ZZEF1: variants seen among roughly 807,000 people sequenced by gnomAD.
ZZEF1 encodes zinc finger ZZ-type and EF-hand domain containing 1.
ZZEF1 carries 157 observed loss-of-function variants against 342.8 expected under a neutral mutation model. The observed-to-expected ratio is 0.46, with a 90% CI of 0.40 to 0.52. The LOEUF is 0.52. Among genes scored for constraint, ZZEF1 ranks in the 20% least tolerant of loss-of-function variants. The pLI is 0.00. For synonymous variants in ZZEF1, 1,505 were observed against 1,429.1 expected (o/e 1.05, Z -1.20); for missense variants, 3,480 against 3,725.6 (o/e 0.93, Z 1.72).
intron 51 of ZZEF1, 101 bp from the exon 52 acceptor site, chr17:4,013,715 A>G: frequency 2.3e-6 from 3 of 1,296,364 alleles, no homozygotes; most frequent in Non-Finnish European, 3.1e-6. Context: ...AGAATTCTAC[A>G]TTTTATAAAC....
chr17:4,123,467 G>A (rs1010959828), intron 2 of ZZEF1, among the ~76,000 whole-genome samples: 2 of 151,686 alleles, frequency 1.3e-5, no homozygotes, highest in African/African-American at 2.4e-5. Flanking sequence ...AAAAAATGAC[G>A]CAAATGTGAG....
At chr17:4,009,346 T>C (rs1276973737) in intron 53 of ZZEF1, 1 of 588,278 alleles carries the variant, frequency 1.7e-6, no homozygotes, top group Non-Finnish European at 3.0e-6. Flanking sequence ...AAACTCACTG[T>C]TGTCAAGGGC....
chr17:4,136,122 C>A (rs373024195), intron 1 of ZZEF1, among the ~76,000 whole-genome samples: 1 of 148,840 alleles, frequency 6.7e-6, no homozygotes, highest in East Asian at 2.0e-4. Context: ...TCCCGAGTAG[C>A]TGGAACTACA....
intron 45 of ZZEF1, 58 bp downstream of exon 45, chr17:4,021,071 A>G: frequency 1.3e-6 from 2 of 1,520,768 alleles, no homozygotes; most frequent in Non-Finnish European, 1.8e-6. Context: ...GGCCCGGGCC[A>G]AAGAGAAGCC....
chr17:4,015,064 T>G (rs1206375085), intron 49 of ZZEF1, among the ~76,000 whole-genome samples: 2 of 151,958 alleles, frequency 1.3e-5, no homozygotes, highest in African/African-American at 4.8e-5. Context: ...CTGGAAAGCT[T>G]TGGTGAGGCT....
chr17:4,038,930 G>A (rs1379089996), intron 39 of ZZEF1, among the ~76,000 whole-genome samples: 2 of 152,060 alleles, frequency 1.3e-5, no homozygotes, highest in Admixed American at 6.6e-5. Context: ...GGTGACAGAG[G>A]TCTTTTTATT....
intron 1 of ZZEF1, among the ~76,000 whole-genome samples, 157 bp downstream of exon 1, chr17:4,142,385 T>C (rs973743087): frequency 3.3e-5 from 5 of 152,084 alleles, no homozygotes; most frequent in African/African-American, 4.8e-5. Context: ...ACCTCTAACA[T>C]AGGTTAAAGA....
In ZZEF1 at chr17:4,049,818, C is replaced by T. The variant is rs768805599; in HGVS notation, c.5905G>A (p.Asp1969Asn). The T allele has an allele frequency of 3.7e-6, 6 of 1,614,084 alleles. No individual in the cohort carries two copies. In the Admixed American group the frequency reaches 6.7e-5, roughly 18 times the overall value. The stretch of plus-strand genomic sequence containing the variant: ...AGGGCCTGATCTTCTAGGCTCGAGT[C>T]CCCATCTGGCAATACACCCAGCAAA... ...LALLGVLPDG[D>N]SSLEDQALPV... Residue 1969 changes from aspartate to asparagine, a missense_variant, in exon 37 of 55, where the codon GAC becomes AAC. Physicochemically the swap from Asp to Asn is conservative, Grantham distance 23. Coordinates refer to ENST00000381638, the MANE Select transcript of ZZEF1 (RefSeq NM_015113.4).
Position 4,008,305 on chromosome 17 carries a change from A to G in ZZEF1, c.8805+578T>C, listed in dbSNP as rs2055856863. The G allele has an allele frequency of 6.1e-6, 1 of 164,092 alleles. No homozygotes were observed. Among genetic ancestry groups the G allele is most frequent in the Admixed American group, 6.5e-5 (1 of 15,294 alleles). 10.2% of individuals were successfully genotyped at this position (164,092 alleles called of 1,614,324 possible). On this transcript the variant is annotated intron_variant, in intron 54 of 54. Transcript: ENST00000381638. This position sits in a 1 kb window ranked among gnomAD's most constrained non-coding sequence, Gnocchi z 4.2. ...GCACTCAGTAATTACTTTGTTTTGA[A>G]AAGTTAGAGTCGTTTTTCACAAGAC... is the stretch of plus-strand genomic sequence containing the variant.
chr17:4,133,050 C>T (rs1323312929), intron 1 of ZZEF1, among the ~76,000 whole-genome samples: 3 of 152,042 alleles, frequency 2.0e-5, no homozygotes, highest in African/African-American at 7.2e-5. Context: ...GGTGGGAACG[C>T]TACACTACCA....
rs751201927 is a variant in ZZEF1 at position 4,142,837 on chromosome 17, C to G, written c.59G>C (p.Gly20Ala). Reference protein sequence around the residue: ...EDEAAAAGGEGWGPHQDWAAV... With the variant: ...EDEAAAAGGEAWGPHQDWAAV... ...GGCCCAGTCCTGGTGTGGGCCCCAG[C>G]CCTCGCCACCGGCAGCTGCCGCTTC... Residue 20 changes from glycine (G) to alanine (A), a missense_variant, in exon 1 of 55, where the codon GGC (glycine) becomes GCC (alanine). This residue lies in a region of ZZEF1 where 416 missense variants were observed against 374.2 expected (regional missense o/e 1.11). Transcript: ENST00000381638. 94 of 1,398,196 alleles carry G rather than the reference C, an allele frequency of 6.7e-5. No individual in the cohort carries two copies. Among genetic ancestry groups the G allele is most frequent in the Non-Finnish European group, 8.7e-5 (94 of 1,085,526 alleles). The allele number at this position is 1,398,196 out of a possible 1,614,324, so 86.6% of individuals were successfully genotyped here.
At chr17:4,066,180 A>G (rs1597839209) in intron 28 of ZZEF1, among the ~76,000 whole-genome samples, 1 of 152,264 alleles carries the variant, frequency 6.6e-6, no homozygotes, top group East Asian at 1.9e-4. Flanking sequence ...AAAAAGAAAA[A>G]AGATGTAGCT....
intron 30 of ZZEF1, among the ~76,000 whole-genome samples, chr17:4,059,955 G>C (rs1425752682): frequency 6.6e-6 from 1 of 152,160 alleles, no homozygotes; most frequent in African/African-American, 2.4e-5. Flanking sequence ...AATACCAGTG[G>C]GCGTCAGCCC....
intron 34 of ZZEF1, 55 bp from the exon 35 acceptor site, chr17:4,052,191 T>C (rs1220786480): frequency 3.5e-5 from 53 of 1,510,956 alleles, no homozygotes; most frequent in Non-Finnish European, 4.7e-5. Context: ...CTAGATGGGC[T>C]AGTTTCCAAA....
At chr17:4,045,896 C>T (rs1283040758) in intron 37 of ZZEF1, among the ~76,000 whole-genome samples, 3 of 151,200 alleles carry the variant, frequency 2.0e-5, no homozygotes, top group South Asian at 2.1e-4. Context: ...GGCGCCATCT[C>T]GGCTCACTGC....
intron 37 of ZZEF1, 119 bp from the exon 38 acceptor site, chr17:4,044,493 T>C (rs2056869252): frequency 1.2e-6 from 1 of 824,514 alleles, no homozygotes; most frequent in East Asian, 2.7e-5. Flanking sequence ...TGAATGCCAT[T>C]AGAAAATGCC....
intron 5 of ZZEF1, among the ~76,000 whole-genome samples, chr17:4,110,928 G>A (rs2058286512): frequency 6.6e-6 from 1 of 152,114 alleles, no homozygotes; most frequent in Non-Finnish European, 1.5e-5. Context: ...GGCCAGGCTG[G>A]TCTAGAACTC....
chr17:4,091,329 C>T (rs749691091), intron 11 of ZZEF1, among the ~76,000 whole-genome samples: 13 of 152,228 alleles, frequency 8.5e-5, no homozygotes, highest in Non-Finnish European at 1.3e-4. Context: ...CCCCAGCCTT[C>T]GTAGGCCTCA....
intron 39 of ZZEF1, among the ~76,000 whole-genome samples, chr17:4,039,682 C>A (rs1456263260): frequency 2.3e-5 from 3 of 131,862 alleles, no homozygotes; most frequent in Admixed American, 8.4e-5. Flanking sequence ...CTCACTCTGT[C>A]GCCCAGGCTG....
Sources: allele counts gnomAD v4.1 joint callset (sites outside exome capture counted in the v4.1 genomes callset), GRCh38; gene constraint gnomAD v4.1.1; regional missense constraint gnomAD v4.1.1; non-coding constraint Gnocchi (gnomAD v3.1); transcripts MANE v1.5; gene names NCBI Gene and HGNC (gene_info 2026-07-23, HGNC 2026-07-21).